ANK2: variants seen among roughly 807,000 people sequenced by gnomAD.
ANK2 encodes ankyrin-2.
ANK2 carries 83 observed loss-of-function variants against 360.5 expected under a neutral mutation model. The ratio of observed to expected loss-of-function variants is 0.23; its 90% CI spans 0.19 to 0.28. The LOEUF is 0.28. ANK2 is among the 10% of genes least tolerant of loss of function. ANK2 has a pLI of 1.00. For synonymous variants in ANK2, 1,740 were observed against 1,759.5 expected (o/e 0.99, Z 0.28); for missense variants, 4,201 against 4,795.7 (o/e 0.88, Z 3.66).
At chr4:113,023,211 G>A (rs1156418316) in intron 2 of ANK2, among the ~76,000 whole-genome samples, 1 of 152,214 alleles carries the variant, frequency 6.6e-6, no homozygotes, top group Non-Finnish European at 1.5e-5. Flanking sequence ...ATAGGCTAAA[G>A]ATTATAGTGA....
At chr4:112,964,805 G>A (rs1469093677) in intron 2 of ANK2, among the ~76,000 whole-genome samples, 8 of 152,046 alleles carry the variant, frequency 5.3e-5, no homozygotes, top group Non-Finnish European at 8.8e-5. Context: ...TCATGACCTC[G>A]TGATCTGCCT....
At chr4:112,778,330 C>T in the ANK2 span, among the ~76,000 whole-genome samples, 1 of 151,146 alleles carries the variant, frequency 6.6e-6, no homozygotes, top group African/African-American at 2.4e-5. Context: ...CACCACCACG[C>T]CTGGCCAATT....
At chr4:113,146,541 G>T (rs1280240029) in intron 1 of ANK2, among the ~76,000 whole-genome samples, 1 of 151,438 alleles carries the variant, frequency 6.6e-6, no homozygotes, top group Non-Finnish European at 1.5e-5. Context: ...TTTGTAAAAA[G>T]GCTTAAACGT....
intron 4 of ANK2, among the ~76,000 whole-genome samples, chr4:113,229,001 A>G (rs764530446): frequency 6.6e-6 from 1 of 152,114 alleles, no homozygotes; most frequent in Non-Finnish European, 1.5e-5. Context: ...TTCTACTCCT[A>G]TCCCTGACTC....
intron 2 of ANK2, among the ~76,000 whole-genome samples, chr4:112,970,396 C>A (rs890984752): frequency 2.0e-5 from 3 of 151,874 alleles, no homozygotes; most frequent in Non-Finnish European, 4.4e-5. Context: ...ATTCCATCAC[C>A]CAGGCTGGAG....
chr4:113,254,138 CA>C (rs2048011980), intron 10 of ANK2, among the ~76,000 whole-genome samples: 1 of 152,216 alleles, frequency 6.6e-6, no homozygotes. Context: ...GACATCCTAT[CA>C]AAATTGCACT....
At chr4:113,079,015 C>A (rs666609) in intron 1 of ANK2, among the ~76,000 whole-genome samples, 121,620 of 152,050 alleles carry the variant, frequency 0.8, 48,932 homozygotes, top group African/African-American at 0.84. Context: ...AAAAAGGAAA[C>A]TTGAAACCCA....
In ANK2 at chr4:113,179,173, A is replaced by G. The variant is rs553857667; in HGVS notation, c.186+4656A>G. Reference sequence around the variant, plus strand: ...AACTATTGCTATTTCTAAGTATACAATATTCAAAGATAATATGGCATATGA... The same window carrying G: ...AACTATTGCTATTTCTAAGTATACAGTATTCAAAGATAATATGGCATATGA... On this transcript the variant is annotated intron_variant, in intron 2 of 45. Transcript: ENST00000357077. 1.7e-4 allele frequency among the ~76,000 whole-genome samples: 26 copies of G among 152,318 alleles called. No homozygotes were observed. The East Asian group carries it at 4.4e-3, about 26-fold the overall frequency.
At chr4:113,242,316 G>A in intron 9 of ANK2, 107 bp downstream of exon 9, 1 of 963,274 alleles carries the variant, frequency 1.0e-6, no homozygotes, top group South Asian at 1.4e-5. Flanking sequence ...TGTTTTCAAG[G>A]AAATTGCTTT....
chr4:113,336,279 T>C (rs2093516070), intron 30 of ANK2: 2 of 561,514 alleles, frequency 3.6e-6, no homozygotes, highest in African/African-American at 2.1e-5. Context: ...CAGCTACAAA[T>C]GTTTTCTTCT....
At chr4:113,069,011 C>T (rs1215806585) in intron 1 of ANK2, among the ~76,000 whole-genome samples, 2 of 151,840 alleles carry the variant, frequency 1.3e-5, no homozygotes, top group Non-Finnish European at 2.9e-5. Context: ...TGCAGTGAGC[C>T]ATGATAGGGC....
At chr4:113,152,288 GT>G (rs2097126883) in intron 1 of ANK2, 1 of 152,078 alleles carries the variant, frequency 6.6e-6, no homozygotes, top group Non-Finnish European at 1.5e-5. Context: ...GGTCGCCTGT[GT>G]GATGATGGAG....
intron 1 of ANK2, among the ~76,000 whole-genome samples, chr4:113,155,192 G>A (rs145395283): frequency 1.3e-5 from 2 of 152,072 alleles, no homozygotes; most frequent in African/African-American, 2.4e-5. Context: ...TTTGTGAACC[G>A]AGTATTAACA....
At chr4:113,131,195 G>A (rs2096007209) in intron 1 of ANK2, among the ~76,000 whole-genome samples, 1 of 152,136 alleles carries the variant, frequency 6.6e-6, no homozygotes, top group Non-Finnish European at 1.5e-5. Context: ...GATGCATGAA[G>A]TCTACTACTT....
At chr4:112,954,192 C>A (rs1367274820) in intron 2 of ANK2, among the ~76,000 whole-genome samples, 1 of 151,426 alleles carries the variant, frequency 6.6e-6, no homozygotes, top group Non-Finnish European at 1.5e-5. Context: ...TTTGTCCCTT[C>A]ATTTCTCCTC....
At chr4:113,045,441 C>A (rs2064040606), upstream of ANK2, among the ~76,000 whole-genome samples, 1 of 152,184 alleles carries the variant, frequency 6.6e-6, no homozygotes, top group Admixed American at 6.6e-5. Context: ...GCCTTCAAAT[C>A]TGATGAACTT....
intron 1 of ANK2, chr4:112,826,529 A>T: frequency 1.5e-6 from 2 of 1,324,866 alleles, no homozygotes; most frequent in Non-Finnish European, 2.1e-6. Flanking sequence ...TTGGCACTCC[A>T]ATGCAAATCA....
intron 8 of ANK2, among the ~76,000 whole-genome samples, chr4:113,241,415 G>A (rs545948071): frequency 2.8e-4 from 43 of 152,220 alleles, no homozygotes; most frequent in African/African-American, 9.1e-4. Flanking sequence ...ATGGCTCACC[G>A]AAGCCCTGAA....
chr4:113,354,702 G>A lies in ANK2; in HGVS notation c.6084G>A (p.Arg2028=). The stretch of plus-strand genomic sequence containing the variant: ...AGCCACAAGAGAAAGGTAAAGTTCG[G>A]GTAGAAAAAGAAAAGGGGCCGATAC... ...QKQPQEKGKV[R]VEKEKGPILT... Residue 2028 remains arginine (R), a synonymous_variant, in exon 38 of 46, where the codon CGG becomes CGA. Transcript: ENST00000357077. The A allele has an allele frequency of 1.2e-6, 2 of 1,613,910 alleles. No homozygotes were observed. The highest frequency in any genetic ancestry group is 1.1e-5 in the South Asian group (1 of 91,060).
Sources: gnomAD v4.1 joint callset for allele counts (sites outside exome capture counted in the v4.1 genomes callset) on GRCh38, gnomAD v4.1.1 for gene constraint, MANE v1.5 for transcripts, NCBI Gene and HGNC (gene_info 2026-07-23, HGNC 2026-07-21) for gene names.